NBEA: variants seen among roughly 807,000 people sequenced by gnomAD.
NBEA encodes the protein neurobeachin, also known as lysosomal-trafficking regulator 2.
NBEA carries 44 observed loss-of-function variants against 343.4 expected under a neutral mutation model. The observed-to-expected ratio is 0.13, with a 90% CI of 0.10 to 0.16. The LOEUF is 0.16. Ranked by LOEUF, NBEA falls within the 10% of genes least tolerant of loss-of-function variation. The pLI is 1.00. For synonymous variants in NBEA, 1,175 were observed against 1,238.7 expected (o/e 0.95, Z 1.08); for missense variants, 2,555 against 3,631.3 (o/e 0.70, Z 7.62).
chr13:35,083,517 T>C (rs1010741890), intron 10 of NBEA, among the ~76,000 whole-genome samples: 2 of 152,092 alleles, frequency 1.3e-5, no homozygotes, highest in African/African-American at 4.8e-5. Flanking sequence ...CTAAGCTTCA[T>C]AATTGAAGGA....
At chr13:35,525,799 T>TGGA (rs1164836620) in intron 41 of NBEA, among the ~76,000 whole-genome samples, 6 of 152,106 alleles carry the variant, frequency 3.9e-5, no homozygotes, top group Non-Finnish European at 7.4e-5. Flanking sequence ...TGGTGTCTGG[T>TGGA]GGAGGCTCTC....
chr13:35,412,008 G>A (rs1414428399), intron 38 of NBEA, among the ~76,000 whole-genome samples: 1 of 151,980 alleles, frequency 6.6e-6, no homozygotes, highest in African/African-American at 2.4e-5. Flanking sequence ...AGAGGGTTTT[G>A]TTCAAACTGA....
At chr13:35,160,377 C>T (rs2069471731) in intron 22 of NBEA, among the ~76,000 whole-genome samples, 1 of 152,050 alleles carries the variant, frequency 6.6e-6, no homozygotes, top group African/African-American at 2.4e-5. Flanking sequence ...ACATTTTGTA[C>T]TCAAGATCTT....
Position 35,132,047 on chromosome 13 carries a change from A to G in NBEA, c.2336+8473A>G, listed in dbSNP as rs546276901. On this transcript the variant is annotated intron_variant, in intron 17 of 58. Transcript: ENST00000379939. ...ATGTAGAATCCTGCAGCCATGTTCC[A>G]AAAGGATTTCCTAATTTCTTAAAAA... Among the ~76,000 whole-genome samples the G allele has an allele frequency of 5.3e-5, 8 of 152,336 alleles. 1 individual carries two copies. The highest frequency in any genetic ancestry group is 9.6e-5 in the African/African-American group (4 of 41,580).
chr13:35,304,331 C>CTCTGTGTG (rs1555360196), intron 35 of NBEA, among the ~76,000 whole-genome samples: 2 of 148,900 alleles, frequency 1.3e-5, no homozygotes, highest in Admixed American at 1.3e-4. Context: ...AAGCAATTCT[C>CTCTGTGTG]TGTGTGTGTG....
chr13:35,440,913 T>G (rs1016814648), intron 39 of NBEA, among the ~76,000 whole-genome samples: 2 of 152,188 alleles, frequency 1.3e-5, no homozygotes, highest in Admixed American at 6.5e-5. Flanking sequence ...TGGTTGGCGC[T>G]TACAGCCTAT....
intron 1 of NBEA, among the ~76,000 whole-genome samples, chr13:34,961,043 T>C (rs2059644980): frequency 6.6e-6 from 1 of 152,086 alleles, no homozygotes; most frequent in African/African-American, 2.4e-5. Context: ...AAATATAGGA[T>C]ATAGACATTT....
At chr13:34,949,784 C>T (rs998026944) in intron 1 of NBEA, among the ~76,000 whole-genome samples, 4 of 151,598 alleles carry the variant, frequency 2.6e-5, no homozygotes, top group Non-Finnish European at 4.4e-5. Flanking sequence ...TTTGAGGTAC[C>T]ACCAAGAAGA....
chr13:35,549,476 CTTG>C (rs932274822), intron 41 of NBEA, among the ~76,000 whole-genome samples: 8 of 152,074 alleles, frequency 5.3e-5, no homozygotes, highest in Non-Finnish European at 1.2e-4. Flanking sequence ...AAGGAATGTG[CTTG>C]TTGTAGATTT....
At chr13:35,230,487 C>T (rs1295195659) in intron 33 of NBEA, among the ~76,000 whole-genome samples, 1 of 152,018 alleles carries the variant, frequency 6.6e-6, no homozygotes. Context: ...TAAAAATAAT[C>T]ATACTTCATT....
chr13:35,515,724 A>C (rs997160095), intron 41 of NBEA, among the ~76,000 whole-genome samples: 1 of 149,338 alleles, frequency 6.7e-6, no homozygotes, highest in African/African-American at 2.5e-5. Context: ...TTTTCTAAGT[A>C]CATTTCCCTT....
rs151068280 is a variant in NBEA, at chr13:35,439,983, G to A, written c.6304+7590G>A. Among the ~76,000 whole-genome samples, 569 of 152,246 alleles carry A rather than the reference G, an allele frequency of 3.7e-3. 1 individual carries two copies. Among genetic ancestry groups the A allele is most frequent in the African/African-American group, 0.013 (542 of 41,540 alleles). Reference sequence around the variant, plus strand: ...CAACCGCCACCTCCCAGGTTCAAGCGATTCTCCCACCTCAGCCTCCTGAGT... The same window carrying A: ...CAACCGCCACCTCCCAGGTTCAAGCAATTCTCCCACCTCAGCCTCCTGAGT... On this transcript the variant is annotated intron_variant, in intron 39 of 58. Transcript: ENST00000379939.
chr13:35,467,841 T>G (rs972559593), intron 40 of NBEA, among the ~76,000 whole-genome samples: 1 of 152,190 alleles, frequency 6.6e-6, no homozygotes, highest in Non-Finnish European at 1.5e-5. Context: ...TTTAACAATA[T>G]TAAACTAAGG....
intron 41 of NBEA, among the ~76,000 whole-genome samples, chr13:35,508,227 G>A (rs1344146210): frequency 6.6e-6 from 1 of 152,074 alleles, no homozygotes; most frequent in Non-Finnish European, 1.5e-5. Flanking sequence ...GAAAGAACAT[G>A]ATACACTCAA....
At chr13:35,408,693 A>G (rs1164821260) in intron 38 of NBEA, among the ~76,000 whole-genome samples, 1 of 152,060 alleles carries the variant, frequency 6.6e-6, no homozygotes, top group East Asian at 1.9e-4. Flanking sequence ...ATGGGAAAGA[A>G]CATGAACACT....
At chr13:35,350,177 A>C (rs1159701473) in intron 37 of NBEA, among the ~76,000 whole-genome samples, 1 of 152,150 alleles carries the variant, frequency 6.6e-6, no homozygotes, top group East Asian at 1.9e-4. Context: ...GAAAATCAAG[A>C]TAATTTGTGA....
chr13:35,458,112 A>G (rs539535313), intron 40 of NBEA, among the ~76,000 whole-genome samples: 1 of 152,348 alleles, frequency 6.6e-6, no homozygotes, highest in Admixed American at 6.5e-5. Flanking sequence ...GGTGGGTCAA[A>G]TAATAACTCC....
chr13:35,600,443 A>C (rs1346312185), intron 47 of NBEA, among the ~76,000 whole-genome samples: 1 of 152,146 alleles, frequency 6.6e-6, no homozygotes, highest in Non-Finnish European at 1.5e-5. Flanking sequence ...TATTCATTGA[A>C]ACACAATCCA....
chr13:35,633,324 A>G (rs1035168078), intron 49 of NBEA, among the ~76,000 whole-genome samples: 4 of 150,812 alleles, frequency 2.7e-5, no homozygotes, highest in Admixed American at 6.6e-5. Flanking sequence ...GGATGGTCTC[A>G]ATTTCCTGAT....
Sources: gnomAD v4.1 joint callset for allele counts (sites outside exome capture counted in the v4.1 genomes callset) on GRCh38, gnomAD v4.1.1 for gene constraint, MANE v1.5 for transcripts, NCBI Gene and HGNC (gene_info 2026-07-23, HGNC 2026-07-21) for gene names.